AP1M2: variants seen among roughly 807,000 people sequenced by gnomAD.
The protein encoded by AP1M2 is AP-1 complex subunit mu-2.
In AP1M2, 41 loss-of-function variants were observed where a neutral mutation model predicts 54.6. That is an observed-to-expected ratio of 0.75 (90% CI 0.59 to 0.97). AP1M2 has a LOEUF of 0.97. AP1M2 is among the 50% of genes least tolerant of loss of function. AP1M2 has a pLI of 0.00. For synonymous variants in AP1M2, 219 were observed against 215.9 expected (o/e 1.01, Z -0.13); for missense variants, 507 against 561.2 (o/e 0.90, Z 0.98).
chr19:10,582,202 G>A (rs1401441843), intron 3 of AP1M2, among the ~76,000 whole-genome samples: 1 of 151,804 alleles, frequency 6.6e-6, no homozygotes, highest in Non-Finnish European at 1.5e-5. Flanking sequence ...CACTACCAGG[G>A]CCAGCTAATA....
intron 1 of AP1M2, chr19:10,584,861 A>G (rs1195858357): frequency 1.3e-5 from 2 of 152,048 alleles, no homozygotes; most frequent in Non-Finnish European, 2.9e-5. Flanking sequence ...TCCTGGGTCC[A>G]GAATCCCTGC....
intron 11 of AP1M2, among the ~76,000 whole-genome samples, chr19:10,574,012 A>C (rs1159504670): frequency 6.6e-6 from 1 of 151,804 alleles, no homozygotes; most frequent in East Asian, 1.9e-4. Context: ...TGCCATGACA[A>C]GAAGGGGCAG....
chr19:10,579,302 G>C (rs918283320), intron 7 of AP1M2, among the ~76,000 whole-genome samples: 7 of 152,056 alleles, frequency 4.6e-5, no homozygotes, highest in Non-Finnish European at 8.8e-5. Context: ...TATAGTCCCA[G>C]CTACTCGGGA....
intron 6 of AP1M2, 55 bp downstream of exon 6, chr19:10,581,211 C>T (rs190396540): frequency 5.2e-6 from 8 of 1,551,530 alleles, no homozygotes; most frequent in South Asian, 2.4e-5. Context: ...CCACGTGGGG[C>T]GGGTTTGCGA....
At chr19:10,576,429 A>AT (rs1385702007) in intron 9 of AP1M2, among the ~76,000 whole-genome samples, 6 of 150,852 alleles carry the variant, frequency 4.0e-5, no homozygotes, top group Non-Finnish European at 8.9e-5. Context: ...CGCCCGGCTA[A>AT]TTTTTTGTAT....
chr19:10,587,057 T>C, intron 1 of AP1M2, 133 bp downstream of exon 1: 1 of 994,002 alleles, frequency 1.0e-6, no homozygotes, highest in East Asian at 2.8e-5. Context: ...ATGCTGGAGG[T>C]GGGATTCCCA....
chr19:10,586,768 T>C (rs1387425235), intron 1 of AP1M2, among the ~76,000 whole-genome samples: 1 of 151,990 alleles, frequency 6.6e-6, no homozygotes, highest in Non-Finnish European at 1.5e-5. Context: ...TAAAAGGACT[T>C]CAGGAAGAGG....
At chr19:10,580,343 A>G (rs995307656) in intron 6 of AP1M2, among the ~76,000 whole-genome samples, 1 of 151,612 alleles carries the variant, frequency 6.6e-6, no homozygotes, top group Non-Finnish European at 1.5e-5. Context: ...GAGCCACTGT[A>G]TACCCGGCAG....
chr19:10,582,317 T>C (rs1917493156), intron 3 of AP1M2, among the ~76,000 whole-genome samples: 1 of 151,728 alleles, frequency 6.6e-6, no homozygotes, highest in South Asian at 2.1e-4. Flanking sequence ...GCTGGGATTA[T>C]GGCATGAGCC....
At chr19:10,573,226 C>T in intron 11 of AP1M2, 138 bp from the exon 12 acceptor site, 1 of 740,000 alleles carries the variant, frequency 1.4e-6, no homozygotes. Context: ...CGAGACCAGC[C>T]TGGCCAACAT....
chr19:10,577,068 C>T, intron 9 of AP1M2, 130 bp downstream of exon 9: 1 of 1,031,766 alleles, frequency 9.7e-7, no homozygotes, highest in Non-Finnish European at 1.4e-6. Flanking sequence ...ACTGGCATTC[C>T]AGTCATGAGC....
At chr19:10,578,348 G>A (rs1157244210) in intron 8 of AP1M2, among the ~76,000 whole-genome samples, 2 of 151,424 alleles carry the variant, frequency 1.3e-5, no homozygotes, top group Non-Finnish European at 2.9e-5. Flanking sequence ...CAGGCGTGGC[G>A]GCAGGAGCCT....
chr19:10,580,897 A>G (rs565652670), intron 6 of AP1M2, among the ~76,000 whole-genome samples: 1 of 151,446 alleles, frequency 6.6e-6, no homozygotes, highest in East Asian at 1.9e-4. Flanking sequence ...CAAGGCTGCA[A>G]TGAGCTATGA....
At position 10,574,433 on chromosome 19, in the gene AP1M2, G is replaced by C; in HGVS notation, c.1233C>G (p.Tyr411Ter). The C allele has an allele frequency of 3.8e-6, 6 of 1,559,376 alleles. No individual in the cohort carries two copies. Among genetic ancestry groups the C allele is most frequent in the Non-Finnish European group, 5.2e-6 (6 of 1,151,934 alleles). Residue 411 changes from tyrosine (Y) to a stop codon, truncating the protein, a stop_gained, in exon 11 of 12, where the codon TAC (tyrosine) becomes TAG (stop). Coordinates refer to ENST00000250244, the MANE Select transcript of AP1M2 (RefSeq NM_005498.5). LOFTEE classifies it high-confidence loss of function. ...CTGCCTTACCGCCACTCTGGGTGAT[G>C]TAGCGAACCCAGGGCAGGGCCTGGT... ...SGYQALPWVR[Y>*]ITQSGDYQLR...
At chr19:10,581,913 G>A (rs779017623) in intron 3 of AP1M2, 35 bp from the exon 4 acceptor site, 8 of 1,542,464 alleles carry the variant, frequency 5.2e-6, no homozygotes, top group Admixed American at 2.0e-5. Flanking sequence ...CCACAAAAGT[G>A]TGGCTATGGG....
intron 6 of AP1M2, 109 bp from the exon 7 acceptor site, chr19:10,579,967 G>A (rs946916944): frequency 3.6e-5 from 43 of 1,191,378 alleles, no homozygotes; most frequent in Admixed American, 6.3e-5. Context: ...GGGGAAACTG[G>A]GGCCCAGAGA....
intron 3 of AP1M2, among the ~76,000 whole-genome samples, chr19:10,582,581 A>G (rs1053216886): frequency 3.3e-5 from 5 of 151,650 alleles, no homozygotes; most frequent in Admixed American, 6.6e-5. Context: ...AACCCCGTCT[A>G]TACTAAAAAT....
rs867585967 is a variant in AP1M2, at chr19:10,576,727, C to T, written c.1047+471G>A. The stretch of plus-strand genomic sequence containing the variant: ...TAATCTTTTTTTTTTTTTTTTGAGA[C>T]GGAGTCTCGTTCTGTTGCCCAGGCT... On this transcript the variant is annotated intron_variant, in intron 9 of 11. Coordinates refer to ENST00000250244, the MANE Select transcript of AP1M2 (RefSeq NM_005498.5). Among the ~76,000 whole-genome samples, 219 of 144,260 alleles carry T rather than the reference C, an allele frequency of 1.5e-3. 1 individual carries two copies. Among genetic ancestry groups the T allele is most frequent in the African/African-American group, 5.5e-3 (212 of 38,650 alleles). The allele number at this position is 144,260 out of a possible 152,430, so 94.6% of individuals were successfully genotyped here.
intron 5 of AP1M2, 32 bp from the exon 6 acceptor site, chr19:10,581,424 C>T (rs750259946): frequency 3.0e-5 from 49 of 1,609,734 alleles, no homozygotes; most frequent in Non-Finnish European, 4.0e-5. Flanking sequence ...AGTTAGCAGG[C>T]ATCAAACTCC....
Sources: gnomAD v4.1 joint callset for allele counts (sites outside exome capture counted in the v4.1 genomes callset) on GRCh38, gnomAD v4.1.1 for gene constraint, MANE v1.5 for transcripts, NCBI Gene and HGNC (gene_info 2026-07-23, HGNC 2026-07-21) for gene names.